CALML4: variants seen among roughly 807,000 people sequenced by gnomAD.
CALML4 encodes calmodulin-like protein 4.
CALML4 carries 16 observed loss-of-function variants against 17.9 expected under a neutral mutation model. The observed-to-expected ratio is 0.89, with a 90% CI of 0.61 to 1.36. CALML4 has a LOEUF of 1.36. Among genes scored for constraint, CALML4 ranks in the 40% most tolerant of loss-of-function variants. The probability of loss-of-function intolerance (pLI) is 0.00; values close to 1 mark genes in which losing one functional copy is unlikely to be tolerated. For missense variants in CALML4, 203 were observed against 194.8 expected, an observed-to-expected ratio of 1.04 and a Z score of -0.25; for synonymous variants, 86 against 71.5, an observed-to-expected ratio of 1.20 and a Z score of -1.02.
At position 68,193,099 on chromosome 15, in the gene CALML4, C is replaced by A. The variant is rs1344825622; in HGVS notation, c.*916G>T. 2.0e-5 allele frequency: 3 copies of A among 152,294 alleles called. No homozygotes were observed. The highest frequency in any genetic ancestry group is 4.4e-5 in the Non-Finnish European group (3 of 68,086). The allele number at this position is 152,294 out of a possible 1,614,324, so 9.4% of individuals were successfully genotyped here. On this transcript the variant is annotated 3_prime_UTR_variant, in exon 5 of 5. Coordinates refer to ENST00000467889, the MANE Select transcript of CALML4 (RefSeq NM_033429.3). ...TTGCTGGTTACATCCCCTTATTTCTCTCCGTAAGTCCTGGGGAGGTGGCTT... is the reference window on the plus strand; with the variant it reads ...TTGCTGGTTACATCCCCTTATTTCTATCCGTAAGTCCTGGGGAGGTGGCTT...
At chr15:68,205,365 C>G (rs758070269), upstream of CALML4, 19 of 1,613,792 alleles carry the variant, frequency 1.2e-5, no homozygotes, top group Non-Finnish European at 1.5e-5. This position sits in a 1 kb window ranked among gnomAD's most constrained non-coding sequence, Gnocchi z 4.8. Flanking sequence ...GTAATAAATG[C>G]TCGGCTGCCA....
rs1477071410 is a variant in CALML4, at chr15:68,200,842, C to T, written c.35-1161G>A. On this transcript the variant is annotated intron_variant, in intron 2 of 4. Coordinates refer to ENST00000467889, the MANE Select transcript of CALML4 (RefSeq NM_033429.3). The surrounding 1 kb of genome is among the most constrained non-coding windows in gnomAD (Gnocchi z 4.3). ...TGAGCACTCCACCCCCAGGCCCTCG[C>T]TTCATCCCCACAACCCTGTGATGCG... Among the ~76,000 whole-genome samples, 1 of 152,192 alleles carries T rather than the reference C, an allele frequency of 6.6e-6. No individual in the cohort carries two copies. Among genetic ancestry groups the T allele is most frequent in the Non-Finnish European group, 1.5e-5 (1 of 68,018 alleles).
chr15:68,194,487 G>A (rs926806939), intron 4 of CALML4, among the ~76,000 whole-genome samples: 4 of 151,528 alleles, frequency 2.6e-5, no homozygotes, highest in Admixed American at 6.6e-5. Context: ...AGGTTCAAGC[G>A]ATTCTCCTGC....
Position 68,202,299 on chromosome 15 carries a change from ATTCT to A in CALML4, c.35-2622_35-2619del, listed in dbSNP as rs781672684. Among the ~76,000 whole-genome samples, 12 of 152,336 alleles carry A rather than the reference ATTCT, an allele frequency of 7.9e-5. No homozygotes were observed. The South Asian group carries it at 2.5e-3, about 32-fold the overall frequency. ...TACAAATAATACAGAAATGTACACT[ATTCT>A]TTATTATAAATTCCATCTAGGGCTG... On this transcript the variant is annotated intron_variant, in intron 2 of 4. Transcript: ENST00000467889.
intron 4 of CALML4, among the ~76,000 whole-genome samples, chr15:68,194,810 A>G (rs1204073440): frequency 6.6e-6 from 1 of 151,996 alleles, no homozygotes; most frequent in Non-Finnish European, 1.5e-5. Context: ...CATCCTCCAC[A>G]GTCCCAGGCT....
At chr15:68,195,350 A>AGT (rs1476437138) in intron 4 of CALML4, among the ~76,000 whole-genome samples, 3 of 152,082 alleles carry the variant, frequency 2.0e-5, no homozygotes, top group Non-Finnish European at 4.4e-5. Context: ...CTAAGCTGAT[A>AGT]GTAGTTCTGA....
intron 2 of CALML4, among the ~76,000 whole-genome samples, chr15:68,202,386 G>A (rs974656135): frequency 1.3e-5 from 2 of 152,166 alleles, no homozygotes; most frequent in Non-Finnish European, 2.9e-5. Context: ...CAGGAGTATC[G>A]CTTGGGCCCA....
chr15:68,201,426 A>G (rs56159528), intron 2 of CALML4, among the ~76,000 whole-genome samples: 1 of 152,286 alleles, frequency 6.6e-6, no homozygotes, highest in African/African-American at 2.4e-5. Flanking sequence ...CCAATCACAG[A>G]GCTTAACCTT....
chr15:68,196,220 T>G (rs1300174951), intron 4 of CALML4, among the ~76,000 whole-genome samples: 1 of 152,168 alleles, frequency 6.6e-6, no homozygotes, highest in African/African-American at 2.4e-5. Context: ...GGCTAATTTT[T>G]GTATGTCAGG....
chr15:68,200,641 C>T lies in CALML4; in HGVS notation c.35-960G>A, dbSNP rs1439112313. ...AGATTCTCGTCCAGCCCAGACGAGG[C>T]ACCCGGGCCTGTGGGTGGAGCCGTG... On this transcript the variant is annotated intron_variant, in intron 2 of 4. Transcript: ENST00000467889. This position sits in a 1 kb window ranked among gnomAD's most constrained non-coding sequence, Gnocchi z 4.3. Among the ~76,000 whole-genome samples the T allele has an allele frequency of 6.6e-6, 1 of 151,928 alleles. No homozygotes were observed. The highest frequency in any genetic ancestry group is 1.9e-4 in the East Asian group (1 of 5,148).
At chr15:68,195,124 A>G (rs891526832) in intron 4 of CALML4, among the ~76,000 whole-genome samples, 1 of 151,348 alleles carries the variant, frequency 6.6e-6, no homozygotes, top group African/African-American at 2.4e-5. Context: ...AGCTTGTCCC[A>G]GGCGTTGGCA....
chr15:68,201,699 GC>G (rs894197449), intron 2 of CALML4, among the ~76,000 whole-genome samples: 17 of 152,218 alleles, frequency 1.1e-4, no homozygotes, highest in Admixed American at 8.5e-4. Flanking sequence ...TCAAATAGAG[GC>G]CCACCTCCTC....
upstream of CALML4, chr15:68,205,608 G>T: frequency 1.8e-6 from 1 of 552,374 alleles, no homozygotes. The surrounding 1 kb of genome is among the most constrained non-coding windows in gnomAD (Gnocchi z 4.8). Flanking sequence ...ACTCGGCGGG[G>T]ATGCCATCAG....
rs1165327768 is a variant in CALML4 at position 68,192,887 on chromosome 15, C to T, written c.*1128G>A. The stretch of plus-strand genomic sequence containing the variant: ...CCTGTGTTGGTGTGGTACTCCAGCC[C>T]TTTTAGGACTGTGCTGGCACTACGA... On this transcript the variant is annotated 3_prime_UTR_variant, in exon 5 of 5. Transcript: ENST00000467889. 1 of 152,224 alleles carries T rather than the reference C, an allele frequency of 6.6e-6. No homozygotes were observed. Among genetic ancestry groups the T allele is most frequent in the Non-Finnish European group, 1.5e-5 (1 of 68,066 alleles). 9.4% of individuals were successfully genotyped at this position (152,224 alleles called of 1,614,324 possible).
chr15:68,205,186 C>G lies in CALML4; in HGVS notation c.4-35G>C. The G allele has an allele frequency of 6.2e-7, 1 of 1,614,138 alleles. No homozygotes were observed. Among genetic ancestry groups the G allele is most frequent in the South Asian group, 1.1e-5 (1 of 91,088 alleles). Reference sequence around the variant, plus strand: ...AGAAAGGAAAACAGTCAGGGGAGGGCTCCACCTGAGGTTCACGCCCCCAGC... The same window carrying G: ...AGAAAGGAAAACAGTCAGGGGAGGGGTCCACCTGAGGTTCACGCCCCCAGC... On this transcript the variant is annotated intron_variant, in intron 1 of 4. Coordinates refer to ENST00000467889, the MANE Select transcript of CALML4 (RefSeq NM_033429.3). The surrounding 1 kb of genome is among the most constrained non-coding windows in gnomAD (Gnocchi z 4.8).
intron 4 of CALML4, among the ~76,000 whole-genome samples, chr15:68,195,888 C>G (rs2093142350): frequency 6.6e-6 from 1 of 152,112 alleles, no homozygotes; most frequent in Admixed American, 6.5e-5. Flanking sequence ...AAAAAGAAGG[C>G]CCTGCTCCCT....
In CALML4 at chr15:68,199,578, T is replaced by G. The variant is rs1567090612; in HGVS notation, c.138A>C (p.Pro46=). 3.7e-6 allele frequency: 6 copies of G among 1,613,748 alleles called. No individual in the cohort carries two copies. The highest frequency in any genetic ancestry group is 5.1e-6 in the Non-Finnish European group (6 of 1,179,928). ...AMRCLGASPT[P]GEVQRHLQTH... ...TCTGCAGGTGCCGCTGCACCTCCCC[T>G]GGCGTCGGGCTGGCCCCCAGGCACC... Residue 46 remains proline, a synonymous_variant, in exon 3 of 5, where the codon CCA becomes CCC. Transcript: ENST00000467889.
At chr15:68,205,930 T>A (rs7183205), upstream of CALML4, 1 of 161,458 alleles carries the variant, frequency 6.2e-6, no homozygotes, top group Non-Finnish European at 1.4e-5. This position sits in a 1 kb window ranked among gnomAD's most constrained non-coding sequence, Gnocchi z 4.8. Flanking sequence ...CCGGTTCCCA[T>A]CCTGTGCCAG....
At chr15:68,203,846 A>G (rs2093173370) in intron 2 of CALML4, among the ~76,000 whole-genome samples, 1 of 152,090 alleles carries the variant, frequency 6.6e-6, no homozygotes, top group Non-Finnish European at 1.5e-5. Context: ...CACTCATTAA[A>G]CACTGGTGGC....
Sources: gnomAD v4.1 joint callset for allele counts (sites outside exome capture counted in the v4.1 genomes callset) on GRCh38, gnomAD v4.1.1 for gene constraint, Gnocchi (gnomAD v3.1) non-coding constraint, MANE v1.5 for transcripts, NCBI Gene and HGNC (gene_info 2026-07-23, HGNC 2026-07-21) for gene names.